The following CRYBG1 variants were observed in gnomAD, a reference collection of about 807,000 sequenced individuals.
The protein encoded by CRYBG1 is crystallin beta-gamma domain containing 1, also known as beta/gamma crystallin domain-containing protein 1.
CRYBG1 carries 139 observed loss-of-function variants against 189.2 expected under a neutral mutation model. The ratio of observed to expected loss-of-function variants is 0.73; its 90% CI spans 0.64 to 0.85. CRYBG1 has a LOEUF of 0.85. Among genes scored for constraint, CRYBG1 ranks in the 40% least tolerant of loss-of-function variants. The pLI is 0.00. For synonymous variants in CRYBG1, 1,023 were observed against 1,017.1 expected (o/e 1.01, Z -0.11); for missense variants, 2,611 against 2,675.8 (o/e 0.98, Z 0.53).
chr6:106,451,940 T>G, intron 2 of CRYBG1, 108 bp downstream of exon 2: 1 of 735,776 alleles, frequency 1.4e-6, no homozygotes, highest in Non-Finnish European at 1.9e-6. Context: ...TAATGGTATA[T>G]ATTGTATATC....
At chr6:106,384,960 A>G (rs917603868) in intron 1 of CRYBG1, among the ~76,000 whole-genome samples, 1 of 151,610 alleles carries the variant, frequency 6.6e-6, no homozygotes, top group African/African-American at 2.4e-5. Context: ...CATCACTCCC[A>G]TAATTCCAGT....
chr6:106,504,240 A>G (rs1164958288), intron 2 of CRYBG1, among the ~76,000 whole-genome samples: 2 of 152,216 alleles, frequency 1.3e-5, no homozygotes, highest in Non-Finnish European at 2.9e-5. Context: ...ACATCGGAGA[A>G]GAAGGTTCTG....
chr6:106,427,270 C>T (rs115951795), intron 1 of CRYBG1, among the ~76,000 whole-genome samples: 2,055 of 152,292 alleles, frequency 0.013, 34 homozygotes, highest in African/African-American at 0.047. Flanking sequence ...CCCAGCCTCT[C>T]GACTTGAATG....
rs142605644 is a variant in CRYBG1 at position 106,480,835 on chromosome 6, G to C, written c.312+29003G>C. Among the ~76,000 whole-genome samples the C allele has an allele frequency of 9.8e-3, 1,474 of 151,172 alleles. 13 individuals carry two copies. Among genetic ancestry groups the C allele is most frequent in the Non-Finnish European group, 0.014 (934 of 67,698 alleles). On this transcript the variant is annotated intron_variant, in intron 2 of 21. Coordinates refer to ENST00000633556, the MANE Select transcript of CRYBG1 (RefSeq NM_001371242.2). ...AAAAGCACAAAACTTAGCCAGGAAGGGTGGTGCATGCCTGTAATCCAGCTG... is the reference window on the plus strand; with the variant it reads ...AAAAGCACAAAACTTAGCCAGGAAGCGTGGTGCATGCCTGTAATCCAGCTG...
At chr6:106,465,418 A>G (rs1289986249) in intron 2 of CRYBG1, among the ~76,000 whole-genome samples, 5 of 152,276 alleles carry the variant, frequency 3.3e-5, no homozygotes, top group East Asian at 3.9e-4. Flanking sequence ...ATTGGATTAG[A>G]TAGTGCTCTG....
At chr6:106,437,618 G>A (rs559562384) in intron 1 of CRYBG1, among the ~76,000 whole-genome samples, 24 of 152,102 alleles carry the variant, frequency 1.6e-4, no homozygotes, top group African/African-American at 4.6e-4. Context: ...TGTTTGTTTC[G>A]TAGAAACAGG....
chr6:106,545,901 A>G (rs1462050380), intron 13 of CRYBG1, among the ~76,000 whole-genome samples: 1 of 152,074 alleles, frequency 6.6e-6, no homozygotes, highest in African/African-American at 2.4e-5. Context: ...GCTGGTCTCA[A>G]ACTCCTGAGC....
At chr6:106,436,176 A>C (rs1771449266) in intron 1 of CRYBG1, among the ~76,000 whole-genome samples, 1 of 97,026 alleles carries the variant, frequency 1.0e-5, no homozygotes, top group South Asian at 4.9e-4. Flanking sequence ...TCAATTTCGG[A>C]AAATACAGAA....
chr6:106,521,425 T>C lies in CRYBG1; in HGVS notation c.4217T>C (p.Phe1406Ser). Residue 1406 changes from phenylalanine (F) to serine (S), a missense_variant, in exon 4 of 22, where the codon TTT becomes TCT. Physicochemically the swap from Phe to Ser is radical, Grantham distance 155. This residue lies in a region of CRYBG1 where 1,622 missense variants were observed against 1,735.0 expected (regional missense o/e 0.93). Coordinates refer to ENST00000633556, the MANE Select transcript of CRYBG1 (RefSeq NM_001371242.2). ...AGCCGGTATGACCCAAGCATTTCTTTTTCTGGAATGTCATTATCAGACACA... is the reference window on the plus strand; with the variant it reads ...AGCCGGTATGACCCAAGCATTTCTTCTTCTGGAATGTCATTATCAGACACA... ...KSSRYDPSISFSGMSLSDTMT... is the reference protein window; with the variant it reads ...KSSRYDPSISSSGMSLSDTMT... 2 of 1,587,276 alleles carry C rather than the reference T, an allele frequency of 1.3e-6. No individual in the cohort carries two copies. Among genetic ancestry groups the C allele is most frequent in the Non-Finnish European group, 1.7e-6 (2 of 1,170,250 alleles).
At chr6:106,393,971 C>T (rs1411058033) in intron 1 of CRYBG1, among the ~76,000 whole-genome samples, 1 of 152,154 alleles carries the variant, frequency 6.6e-6, no homozygotes, top group African/African-American at 2.4e-5. Flanking sequence ...CCACCCCTGG[C>T]CTCCTCTTCC....
intron 2 of CRYBG1, among the ~76,000 whole-genome samples, chr6:106,476,173 C>A (rs995050938): frequency 5.9e-5 from 9 of 152,164 alleles, no homozygotes; most frequent in African/African-American, 2.2e-4. Flanking sequence ...ATTATCTTAA[C>A]CTTGTCCGTA....
intron 2 of CRYBG1, among the ~76,000 whole-genome samples, chr6:106,503,075 G>T (rs1773042959): frequency 6.6e-6 from 1 of 152,208 alleles, no homozygotes; most frequent in African/African-American, 2.4e-5. Flanking sequence ...GGAATATGGG[G>T]AGAGAGAACA....
intron 1 of CRYBG1, among the ~76,000 whole-genome samples, chr6:106,381,912 CA>C (rs1770297196): frequency 6.6e-6 from 1 of 152,172 alleles, no homozygotes; most frequent in African/African-American, 2.4e-5. Context: ...AATCTAGTTA[CA>C]GGGGTACAGC....
At chr6:106,453,419 T>C (rs1206331366) in intron 2 of CRYBG1, among the ~76,000 whole-genome samples, 1 of 152,164 alleles carries the variant, frequency 6.6e-6, no homozygotes, top group Non-Finnish European at 1.5e-5. Flanking sequence ...ATTTAAAAAA[T>C]TAAGTAAACT....
chr6:106,504,647 G>T (rs578002276), intron 2 of CRYBG1, among the ~76,000 whole-genome samples: 1 of 135,904 alleles, frequency 7.4e-6, no homozygotes, highest in Non-Finnish European at 1.6e-5. Context: ...GTGCGTGTGT[G>T]TGTTTGTGTG....
At chr6:106,499,148 GTT>G (rs1464208340) in intron 2 of CRYBG1, among the ~76,000 whole-genome samples, 2 of 23,750 alleles carry the variant, frequency 8.4e-5, no homozygotes, top group Non-Finnish European at 1.7e-4. Flanking sequence ...TTGTTTGTTT[GTT>G]TGTTTGTTTT....
At chr6:106,497,139 C>T (rs1033216407) in intron 2 of CRYBG1, among the ~76,000 whole-genome samples, 4 of 152,046 alleles carry the variant, frequency 2.6e-5, no homozygotes, top group African/African-American at 9.7e-5. Flanking sequence ...TAGTCCTAAC[C>T]TCTGCCACCC....
intron 16 of CRYBG1, among the ~76,000 whole-genome samples, chr6:106,553,781 G>A (rs1350656512): frequency 1.3e-5 from 2 of 152,184 alleles, no homozygotes; most frequent in East Asian, 1.9e-4. Context: ...ATTGTGTAAT[G>A]GAATTCAGAG....
chr6:106,458,646 C>T (rs1314475798), intron 2 of CRYBG1, among the ~76,000 whole-genome samples: 1 of 152,136 alleles, frequency 6.6e-6, no homozygotes, highest in Non-Finnish European at 1.5e-5. Context: ...CACAGTATTT[C>T]AGTTCTAGTA....
Sources: allele counts gnomAD v4.1 joint callset (sites outside exome capture counted in the v4.1 genomes callset), GRCh38; gene constraint gnomAD v4.1.1; regional missense constraint gnomAD v4.1.1; transcripts MANE v1.5; gene names NCBI Gene and HGNC (gene_info 2026-07-23, HGNC 2026-07-21).